Variants in RAB7A observed in about 807,000 individuals in gnomAD.
RAB7A encodes RAB7A, member RAS oncogene family.
A neutral mutation model predicts 24.5 loss-of-function variants in RAB7A; 2 were observed. The observed-to-expected ratio is 0.08, with a 90% CI of 0.03 to 0.26. RAB7A has a LOEUF of 0.26. Among genes scored for constraint, RAB7A ranks in the 10% least tolerant of loss-of-function variants. The probability of loss-of-function intolerance (pLI) is 1.00; values close to 1 mark genes in which losing one functional copy is unlikely to be tolerated. For missense variants in RAB7A, 118 were observed against 255.7 expected, an observed-to-expected ratio of 0.46 and a Z score of 3.67; for synonymous variants, 100 against 95.9, an observed-to-expected ratio of 1.04 and a Z score of -0.25.
chr3:128,760,949 A>G (rs756611869), intron 1 of RAB7A, among the ~76,000 whole-genome samples: 1 of 152,148 alleles, frequency 6.6e-6, no homozygotes, highest in Non-Finnish European at 1.5e-5. Flanking sequence ...CTACAACCCT[A>G]AGAGGTGGAG....
intron 3 of RAB7A, chr3:128,798,316 GA>G (rs1933617991): frequency 4.6e-6 from 2 of 435,262 alleles, no homozygotes; most frequent in Admixed American, 7.4e-5. Flanking sequence ...AAAAAACTCA[GA>G]TTTATCCTTT....
At chr3:128,738,831 A>G (rs1478593552) in intron 1 of RAB7A, among the ~76,000 whole-genome samples, 1 of 151,792 alleles carries the variant, frequency 6.6e-6, no homozygotes, top group African/African-American at 2.4e-5. Flanking sequence ...ACCTGGTTGG[A>G]AAAAAAAATG....
intron 1 of RAB7A, among the ~76,000 whole-genome samples, chr3:128,772,473 TA>T (rs758746775): frequency 4.6e-5 from 7 of 152,156 alleles, no homozygotes; most frequent in African/African-American, 7.2e-5. Flanking sequence ...TTGATGGGGA[TA>T]GGGGGTTGTG....
chr3:128,786,255 T>A (rs893686159), intron 1 of RAB7A, among the ~76,000 whole-genome samples: 3 of 152,236 alleles, frequency 2.0e-5, no homozygotes, highest in African/African-American at 7.2e-5. Flanking sequence ...GATGTCTTGC[T>A]GTTTCAGGGG....
intron 3 of RAB7A, among the ~76,000 whole-genome samples, chr3:128,803,784 TC>T (rs1476063746): frequency 6.6e-6 from 1 of 152,120 alleles, no homozygotes; most frequent in Non-Finnish European, 1.5e-5. Flanking sequence ...AGGCATCTCT[TC>T]AGGAGCATTT....
At chr3:128,768,148 T>C (rs530113985) in intron 1 of RAB7A, among the ~76,000 whole-genome samples, 25 of 152,360 alleles carry the variant, frequency 1.6e-4, no homozygotes, top group Non-Finnish European at 3.2e-4. Flanking sequence ...TCTGGTATTT[T>C]GTATAAATGG....
At chr3:128,800,333 G>C (rs903593626) in intron 3 of RAB7A, among the ~76,000 whole-genome samples, 1 of 152,192 alleles carries the variant, frequency 6.6e-6, no homozygotes, top group Admixed American at 6.5e-5. Flanking sequence ...ACTGCCTTTT[G>C]CTGAGGGAAA....
intron 3 of RAB7A, chr3:128,798,821 TAAAAA>T (rs56925997): frequency 2.3e-3 from 343 of 150,378 alleles, no homozygotes; most frequent in South Asian, 6.0e-3. Flanking sequence ...TCTCTAAATT[TAAAAA>T]AAAAAAAAAA....
chr3:128,732,575 T>C (rs1347284688), intron 1 of RAB7A, among the ~76,000 whole-genome samples: 1 of 152,108 alleles, frequency 6.6e-6, no homozygotes, highest in Admixed American at 6.5e-5. Flanking sequence ...GGAGGAGTAA[T>C]CCCAGCACTT....
intron 1 of RAB7A, among the ~76,000 whole-genome samples, chr3:128,770,872 CT>C (rs769938986): frequency 2.0e-5 from 3 of 151,988 alleles, no homozygotes; most frequent in Non-Finnish European, 4.4e-5. Context: ...TTATACTACT[CT>C]TTTCCATAAA....
chr3:128,740,939 G>A lies in RAB7A; in HGVS notation c.-9+14580G>A, dbSNP rs576639250. ...AAAAAAAAAAGACTTGTGTTTCTTT[G>A]TTTGATAGATTAAACTAGAAAAATA... On this transcript the variant is annotated intron_variant, in intron 1 of 5. Transcript: ENST00000265062. 3.2e-5 allele frequency among the ~76,000 whole-genome samples: 4 copies of A among 123,808 alleles called. No homozygotes were observed. In the South Asian group the frequency reaches 7.6e-4, roughly 24 times the overall value. 81.2% of individuals were successfully genotyped at this position (123,808 alleles called of 152,430 possible). A position where few individuals can be genotyped will look rare whatever the true frequency, so the allele number is the denominator to read the frequency against.
chr3:128,773,625 C>T (rs192131269), intron 1 of RAB7A, among the ~76,000 whole-genome samples: 5 of 152,300 alleles, frequency 3.3e-5, no homozygotes, highest in Admixed American at 2.0e-4. Context: ...GCCATGATGA[C>T]GATGGCGGTT....
intron 1 of RAB7A, among the ~76,000 whole-genome samples, chr3:128,761,955 A>G (rs998127014): frequency 6.6e-6 from 1 of 152,104 alleles, no homozygotes; most frequent in African/African-American, 2.4e-5. Flanking sequence ...GAGCCTTTAC[A>G]TTTCCTCTCC....
At chr3:128,803,916 A>G (rs575239009) in intron 3 of RAB7A, among the ~76,000 whole-genome samples, 1 of 152,232 alleles carries the variant, frequency 6.6e-6, no homozygotes, top group Non-Finnish European at 1.5e-5. Flanking sequence ...TTATAAGGGT[A>G]TAATTTTAAA....
intron 1 of RAB7A, among the ~76,000 whole-genome samples, chr3:128,752,185 G>A (rs958121676): frequency 1.3e-5 from 2 of 152,178 alleles, no homozygotes; most frequent in Admixed American, 6.5e-5. Flanking sequence ...TAATACTGGT[G>A]CTACAAACTA....
At chr3:128,728,881 C>T (rs1348380585) in intron 1 of RAB7A, among the ~76,000 whole-genome samples, 11 of 152,154 alleles carry the variant, frequency 7.2e-5, no homozygotes, top group Non-Finnish European at 1.5e-4. Flanking sequence ...TTTTCTTCAG[C>T]TGGCAAGAAA....
intron 5 of RAB7A, among the ~76,000 whole-genome samples, chr3:128,809,782 C>G (rs1933880567): frequency 6.6e-6 from 1 of 151,722 alleles, no homozygotes; most frequent in African/African-American, 2.4e-5. Context: ...CCGTTTCCCT[C>G]CCTGAATAGA....
At chr3:128,737,997 C>T (rs952763865) in intron 1 of RAB7A, among the ~76,000 whole-genome samples, 58 of 151,404 alleles carry the variant, frequency 3.8e-4, no homozygotes, top group African/African-American at 1.3e-3. Flanking sequence ...TTAGAAACCC[C>T]ACTCCCCTTT....
rs547864351 is a variant in RAB7A, at chr3:128,732,995, C to T, written c.-9+6636C>T. ...GTATTTTTCAAATGTTTGTTGGTAA[C>T]GAGTGAGGAACCTGATGCATCCAGC... On this transcript the variant is annotated intron_variant, in intron 1 of 5. Coordinates refer to ENST00000265062, the MANE Select transcript of RAB7A (RefSeq NM_004637.6). Among the ~76,000 whole-genome samples the T allele has an allele frequency of 2.0e-5, 3 of 152,268 alleles. No homozygotes were observed. In the East Asian group the frequency reaches 5.8e-4, roughly 29 times the overall value.
Sources: gnomAD v4.1 joint callset for allele counts (sites outside exome capture counted in the v4.1 genomes callset) on GRCh38, gnomAD v4.1.1 for gene constraint, MANE v1.5 for transcripts, NCBI Gene and HGNC (gene_info 2026-07-23, HGNC 2026-07-21) for gene names.